UBE2W: variants seen among roughly 807,000 people sequenced by gnomAD.
UBE2W encodes the protein ubiquitin conjugating enzyme E2 W.
UBE2W carries 18 observed loss-of-function variants against 27.2 expected under a neutral mutation model. The ratio of observed to expected loss-of-function variants is 0.66; its 90% confidence interval spans 0.46 to 0.98. The LOEUF (loss-of-function observed/expected upper bound fraction) is 0.98. Among genes scored for constraint, UBE2W ranks in the 50% least tolerant of loss-of-function variants. The pLI is 0.00. For missense variants in UBE2W, 90 were observed against 180.2 expected (o/e 0.50, Z 2.87); for synonymous variants, 53 against 57.2 (o/e 0.93, Z 0.33).
At chr8:73,811,476 G>A (rs531011485) in intron 3 of UBE2W, among the ~76,000 whole-genome samples, 21 of 152,200 alleles carry the variant, frequency 1.4e-4, no homozygotes, top group African/African-American at 4.3e-4. Flanking sequence ...AAAGTTGCTC[G>A]AAGAAAGCAG....
intron 5 of UBE2W, among the ~76,000 whole-genome samples, chr8:73,803,151 G>A (rs1355507977): frequency 6.6e-6 from 1 of 152,182 alleles, no homozygotes; most frequent in Non-Finnish European, 1.5e-5. Flanking sequence ...AGGAGGCAGA[G>A]GATGCAGTGA....
intron 1 of UBE2W, among the ~76,000 whole-genome samples, chr8:73,855,011 T>C (rs1278256417): frequency 6.6e-6 from 1 of 152,202 alleles, no homozygotes; most frequent in Non-Finnish European, 1.5e-5. Flanking sequence ...GATGGAATCA[T>C]CTATCTGAAA....
At chr8:73,862,432 G>C (rs1439969920) in intron 1 of UBE2W, among the ~76,000 whole-genome samples, 1 of 152,084 alleles carries the variant, frequency 6.6e-6, no homozygotes, top group Non-Finnish European at 1.5e-5. Flanking sequence ...CCCATTTCTT[G>C]TTTTTCTCAG....
At chr8:73,784,277 G>C (rs111575339), downstream of UBE2W, among the ~76,000 whole-genome samples, 483 of 152,128 alleles carry the variant, frequency 3.2e-3, 2 homozygotes, top group South Asian at 8.5e-3. Context: ...ATTACCCCAG[G>C]ATACCAAGTG....
At chr8:73,836,651 T>C (rs752408119) in intron 1 of UBE2W, among the ~76,000 whole-genome samples, 4 of 152,232 alleles carry the variant, frequency 2.6e-5, no homozygotes, top group Non-Finnish European at 4.4e-5. Context: ...TATGAAGAAC[T>C]AGTATGACCT....
intron 1 of UBE2W, among the ~76,000 whole-genome samples, chr8:73,840,600 T>C (rs572737153): frequency 6.6e-6 from 1 of 152,268 alleles, no homozygotes; most frequent in East Asian, 1.9e-4. Context: ...AGGGAAGAGA[T>C]AGTCAATAAA....
chr8:73,856,773 T>G (rs1811320356), intron 1 of UBE2W, among the ~76,000 whole-genome samples: 2 of 151,490 alleles, frequency 1.3e-5, no homozygotes, highest in South Asian at 2.1e-4. Flanking sequence ...TGGTGTGATC[T>G]CGGCTCACTG....
intron 4 of UBE2W, among the ~76,000 whole-genome samples, chr8:73,809,704 T>C (rs188340828): frequency 7.0e-4 from 106 of 152,182 alleles, no homozygotes; most frequent in African/African-American, 2.3e-3. Flanking sequence ...CTCAGTCTCC[T>C]GAGTAGCTGG....
intron 5 of UBE2W, chr8:73,796,746 CA>C (rs1246589737): frequency 9.6e-6 from 7 of 731,638 alleles, no homozygotes; most frequent in Non-Finnish European, 1.2e-5. Flanking sequence ...AACTATGAGC[CA>C]AAGCCATCGC....
intron 1 of UBE2W, among the ~76,000 whole-genome samples, chr8:73,855,394 C>CTTTTTTTTTTTT (rs66577299): frequency 9.4e-5 from 8 of 84,712 alleles, no homozygotes; most frequent in African/African-American, 3.6e-4. Flanking sequence ...ATTCTACTTT[C>CTTTTTTTTTTTT]TTTTTTTTTT....
At chr8:73,815,666 A>C (rs1343078572) in intron 3 of UBE2W, among the ~76,000 whole-genome samples, 12 of 152,214 alleles carry the variant, frequency 7.9e-5, no homozygotes, top group Non-Finnish European at 1.5e-5. Flanking sequence ...ACCACGAAGG[A>C]GGCACAACTA....
chr8:73,851,211 ACT>A (rs933147014), intron 1 of UBE2W, among the ~76,000 whole-genome samples: 3 of 148,648 alleles, frequency 2.0e-5, no homozygotes, highest in African/African-American at 7.5e-5. Flanking sequence ...TTTTTTTGAC[ACT>A]CTTAAATTTG....
chr8:73,786,387 C>T lies in UBE2W; in HGVS notation c.*7715G>A. 3 of 985,366 alleles carry T rather than the reference C, an allele frequency of 3.0e-6. No homozygotes were observed. Among genetic ancestry groups the T allele is most frequent in the Non-Finnish European group, 3.6e-6 (3 of 829,916 alleles). The allele number at this position is 985,366 out of a possible 1,614,324, so 61.0% of individuals were successfully genotyped here. On this transcript the variant is annotated 3_prime_UTR_variant, in exon 6 of 6. Transcript: ENST00000602593. ...AGCTAGGATAAAAATACAAGCATAA[C>T]CAAGTTAATTCAATACACACTTATT...
intron 5 of UBE2W, among the ~76,000 whole-genome samples, chr8:73,802,695 G>A (rs1808697080): frequency 6.6e-6 from 1 of 152,096 alleles, no homozygotes; most frequent in Admixed American, 6.5e-5. Flanking sequence ...TTCGAGACCA[G>A]CCTGGCCAAC....
Position 73,791,466 on chromosome 8 carries a change from T to C in UBE2W, c.*2636A>G. The C allele has an allele frequency of 1.0e-6, 1 of 985,258 alleles. No homozygotes were observed. Among genetic ancestry groups the C allele is most frequent in the Non-Finnish European group, 1.2e-6 (1 of 829,808 alleles). The allele number at this position is 985,258 out of a possible 1,614,324, so 61.0% of individuals were successfully genotyped here. A position where few individuals can be genotyped will look rare whatever the true frequency, so the allele number is the denominator to read the frequency against. On this transcript the variant is annotated 3_prime_UTR_variant, in exon 6 of 6. Coordinates refer to ENST00000602593, the MANE Select transcript of UBE2W (RefSeq NM_018299.6). ...TTCTGTAGGCCTATGTCGCAAATAG[T>C]GCCCCACGAGGAAATGCAGGGAGGA...
At chr8:73,871,276 C>G (rs1439784238) in intron 1 of UBE2W, among the ~76,000 whole-genome samples, 2 of 152,104 alleles carry the variant, frequency 1.3e-5, no homozygotes, top group Non-Finnish European at 2.9e-5. Flanking sequence ...GGAATGAACC[C>G]AAGGTTTCTG....
intron 5 of UBE2W, 127 bp downstream of exon 5, chr8:73,805,524 A>C (rs1038351077): frequency 5.5e-6 from 2 of 365,290 alleles, no homozygotes; most frequent in African/African-American, 2.1e-5. Context: ...ATTTTAAAGA[A>C]TTTTCTTCAT....
intron 5 of UBE2W, among the ~76,000 whole-genome samples, 188 bp downstream of exon 5, chr8:73,805,463 A>AAAAAAAATC (rs1247901522): frequency 7.7e-6 from 1 of 129,396 alleles, no homozygotes; most frequent in African/African-American, 2.8e-5. Flanking sequence ...TCAAAAAAAA[A>AAAAAAAATC]AAAAAAAACA....
At chr8:73,850,102 G>A (rs1322857783) in intron 1 of UBE2W, among the ~76,000 whole-genome samples, 3 of 151,954 alleles carry the variant, frequency 2.0e-5, no homozygotes, top group Non-Finnish European at 4.4e-5. Flanking sequence ...AAGGATAACC[G>A]AATTGAGAAA....
Sources: gnomAD v4.1 joint callset for allele counts (sites outside exome capture counted in the v4.1 genomes callset) on GRCh38, gnomAD v4.1.1 for gene constraint, MANE v1.5 for transcripts, NCBI Gene and HGNC (gene_info 2026-07-23, HGNC 2026-07-21) for gene names.